Variants in NLGN1 observed in about 807,000 individuals in gnomAD.
The protein encoded by NLGN1 is neuroligin-1.
Under a neutral mutation model 65.5 loss-of-function variants are expected in NLGN1, and 12 were observed. The ratio of observed to expected loss-of-function variants is 0.18; its 90% CI spans 0.12 to 0.30. The LOEUF (loss-of-function observed/expected upper bound fraction) is 0.30, where lower values mean the gene tolerates loss of function less well. Among genes scored for constraint, NLGN1 ranks in the 10% least tolerant of loss-of-function variants. NLGN1 has a pLI of 1.00. For synonymous variants in NLGN1, 350 were observed against 359.5 expected, an observed-to-expected ratio of 0.97 and a Z score of 0.30; for missense variants, 750 against 1,007.1, an observed-to-expected ratio of 0.74 and a Z score of 3.46.
At chr3:173,403,386 A>G (rs1718069646) in intron 1 of NLGN1, among the ~76,000 whole-genome samples, 1 of 152,172 alleles carries the variant, frequency 6.6e-6, no homozygotes, top group African/African-American at 2.4e-5. Flanking sequence ...TATGTTTGTC[A>G]TATGATTTCA....
chr3:173,522,433 T>G (rs944953143), intron 2 of NLGN1, among the ~76,000 whole-genome samples: 4 of 152,010 alleles, frequency 2.6e-5, no homozygotes. Context: ...CATACAGGTG[T>G]TGTTGTTGTT....
intron 3 of NLGN1, among the ~76,000 whole-genome samples, chr3:173,658,939 A>T (rs911016032): frequency 2.0e-5 from 3 of 152,052 alleles, no homozygotes; most frequent in Non-Finnish European, 2.9e-5. Flanking sequence ...CCATAAAATA[A>T]GAAAATTATT....
At chr3:173,440,821 G>A (rs1463966551) in intron 2 of NLGN1, among the ~76,000 whole-genome samples, 1 of 152,116 alleles carries the variant, frequency 6.6e-6, no homozygotes, top group Non-Finnish European at 1.5e-5. Context: ...GTCTCTAGCT[G>A]CATTAGCCCC....
chr3:174,097,323 T>C (rs1745722565), intron 4 of NLGN1, among the ~76,000 whole-genome samples: 1 of 152,164 alleles, frequency 6.6e-6, no homozygotes. Context: ...GGGCAATAAT[T>C]AGTGAATGGA....
intron 2 of NLGN1, among the ~76,000 whole-genome samples, chr3:173,527,159 T>C (rs917491731): frequency 9.2e-5 from 14 of 152,194 alleles, no homozygotes; most frequent in African/African-American, 2.9e-4. Flanking sequence ...TTCTCCACAG[T>C]GGAGAACCTT....
chr3:173,929,882 T>C (rs1489733902), intron 4 of NLGN1, among the ~76,000 whole-genome samples: 1 of 152,064 alleles, frequency 6.6e-6, no homozygotes, highest in Admixed American at 6.5e-5. Flanking sequence ...TTTTGTGTTT[T>C]TAGTAGAGAT....
intron 3 of NLGN1, among the ~76,000 whole-genome samples, chr3:173,806,772 CAGAATTCAGGAAAAGT>C (rs1013346798): frequency 6.6e-6 from 1 of 151,974 alleles, no homozygotes; most frequent in Non-Finnish European, 1.5e-5. Flanking sequence ...TTGAAAATTA[CAGAATTCAGGAAAAGT>C]ATGAGAAGAG....
intron 4 of NLGN1, among the ~76,000 whole-genome samples, chr3:173,835,318 A>G (rs1302835573): frequency 6.6e-6 from 1 of 152,156 alleles, no homozygotes; most frequent in African/African-American, 2.4e-5. Flanking sequence ...ATAGACAAGT[A>G]CAACAAGAGG....
At chr3:173,599,715 TGTCTA>T (rs568957328) in intron 2 of NLGN1, among the ~76,000 whole-genome samples, 218 of 152,290 alleles carry the variant, frequency 1.4e-3, no homozygotes, top group Non-Finnish European at 2.4e-3. Context: ...AAACATTATT[TGTCTA>T]GTTAGTACAG....
chr3:173,956,776 T>C (rs1328458317), intron 4 of NLGN1, among the ~76,000 whole-genome samples: 1 of 152,204 alleles, frequency 6.6e-6, no homozygotes, highest in African/African-American at 2.4e-5. Flanking sequence ...TGAAACTTTT[T>C]GTTGATAAAT....
At chr3:173,513,872 A>G (rs541966738) in intron 2 of NLGN1, among the ~76,000 whole-genome samples, 11 of 151,638 alleles carry the variant, frequency 7.3e-5, no homozygotes, top group Non-Finnish European at 1.2e-4. Flanking sequence ...CTAAAAATAC[A>G]AAAAAATTAG....
chr3:174,023,133 A>G (rs1171876601), intron 4 of NLGN1, among the ~76,000 whole-genome samples: 1 of 152,160 alleles, frequency 6.6e-6, no homozygotes, highest in Non-Finnish European at 1.5e-5. Flanking sequence ...GATAGACAAT[A>G]TGCCGTTGCT....
chr3:174,181,718 C>T (rs577958506), intron 4 of NLGN1, among the ~76,000 whole-genome samples: 3 of 151,860 alleles, frequency 2.0e-5, no homozygotes, highest in Non-Finnish European at 4.4e-5. Context: ...GGCTTGAGCC[C>T]AGGACTTCAA....
At chr3:174,090,993 T>C (rs1744409402) in intron 4 of NLGN1, among the ~76,000 whole-genome samples, 1 of 152,220 alleles carries the variant, frequency 6.6e-6, no homozygotes, top group African/African-American at 2.4e-5. Flanking sequence ...CATTGTGACA[T>C]TGATGCATTG....
At chr3:173,683,061 G>A (rs139572553) in intron 3 of NLGN1, among the ~76,000 whole-genome samples, 1 of 152,174 alleles carries the variant, frequency 6.6e-6, no homozygotes, top group African/African-American at 2.4e-5. Context: ...TGTATACAGC[G>A]TGCATTTTTG....
At chr3:173,927,568 T>A (rs1743241083) in intron 4 of NLGN1, among the ~76,000 whole-genome samples, 1 of 152,144 alleles carries the variant, frequency 6.6e-6, no homozygotes, top group African/African-American at 2.4e-5. Context: ...AGGCTACTTC[T>A]GGCTGTTTCC....
At chr3:173,497,029 A>G (rs1285391943) in intron 2 of NLGN1, among the ~76,000 whole-genome samples, 1 of 151,924 alleles carries the variant, frequency 6.6e-6, no homozygotes, top group Non-Finnish European at 1.5e-5. Flanking sequence ...TCATCATGAT[A>G]ACATTTTAAG....
intron 4 of NLGN1, among the ~76,000 whole-genome samples, chr3:174,107,013 CACACAGAGAGAGAGAGAGAG>C (rs1212143115): frequency 2.0e-5 from 2 of 100,524 alleles, no homozygotes; most frequent in African/African-American, 9.9e-5. Context: ...CACACACACA[CACACAGAGAGAGAGAGAGAG>C]AGAGAGAGAG....
At chr3:173,686,907 C>T (rs1298679002) in intron 3 of NLGN1, among the ~76,000 whole-genome samples, 1 of 151,834 alleles carries the variant, frequency 6.6e-6, no homozygotes, top group Non-Finnish European at 1.5e-5. Flanking sequence ...GAGCCGAGAT[C>T]ACGCCATTGC....
Sources: allele counts gnomAD v4.1 joint callset (sites outside exome capture counted in the v4.1 genomes callset), GRCh38; gene constraint gnomAD v4.1.1; transcripts MANE v1.5; gene names NCBI Gene and HGNC (gene_info 2026-07-23, HGNC 2026-07-21).